Variants in SPIN1 observed in about 807,000 individuals in gnomAD.
SPIN1 encodes the protein spindlin 1, also known as spindlin-1.
SPIN1 carries 3 observed loss-of-function variants against 26.0 expected under a neutral mutation model. The observed-to-expected ratio is 0.12, with a 90% CI of 0.05 to 0.30. The LOEUF is 0.30. Ranked by LOEUF, SPIN1 falls within the 10% of genes least tolerant of loss-of-function variation. SPIN1 has a pLI of 1.00. For synonymous variants in SPIN1, 101 were observed against 116.5 expected, an observed-to-expected ratio of 0.87 and a Z score of 0.86; for missense variants, 126 against 333.4, an observed-to-expected ratio of 0.38 and a Z score of 4.84.
At position 88,475,339 on chromosome 9, in the gene SPIN1, G is replaced by A; in HGVS notation, c.*62G>A. On this transcript the variant is annotated 3_prime_UTR_variant, in exon 6 of 6. Transcript: ENST00000375859. ...GAAATGTATTATTTGTAGACATAAA[G>A]ACTTGATTGCTTTCCAGTTTAATGA... The A allele has an allele frequency of 1.3e-6, 2 of 1,526,352 alleles. No homozygotes were observed. The highest frequency in any genetic ancestry group is 1.8e-6 in the Non-Finnish European group (2 of 1,114,442). 94.6% of individuals were successfully genotyped at this position (1,526,352 alleles called of 1,614,324 possible).
intron 2 of SPIN1, among the ~76,000 whole-genome samples, chr9:88,444,731 C>T: frequency 6.9e-6 from 1 of 144,786 alleles, no homozygotes; most frequent in Non-Finnish European, 1.5e-5. Context: ...TGCTCTGTCG[C>T]CCAGGCTGGA....
intron 1 of SPIN1, among the ~76,000 whole-genome samples, chr9:88,398,856 C>T (rs983761538): frequency 2.6e-5 from 4 of 152,022 alleles, no homozygotes; most frequent in Non-Finnish European, 4.4e-5. Flanking sequence ...CGTGAGCCAC[C>T]GTGCCCGGCC....
At chr9:88,410,296 T>C (rs562135998) in intron 1 of SPIN1, among the ~76,000 whole-genome samples, 1 of 152,252 alleles carries the variant, frequency 6.6e-6, no homozygotes, top group East Asian at 1.9e-4. Context: ...AACCTTTTGT[T>C]GGAATGCTTT....
At chr9:88,458,009 GT>G in intron 3 of SPIN1, 1 of 983,252 alleles carries the variant, frequency 1.0e-6, no homozygotes, top group Non-Finnish European at 1.2e-6. Context: ...TTCTTGTTTG[GT>G]TTTAGTGTTG....
intron 2 of SPIN1, among the ~76,000 whole-genome samples, chr9:88,434,092 A>G (rs1332991307): frequency 6.6e-6 from 1 of 152,084 alleles, no homozygotes; most frequent in Non-Finnish European, 1.5e-5. Flanking sequence ...GGATTGGTTT[A>G]GAATTTCTAA....
intron 5 of SPIN1, among the ~76,000 whole-genome samples, chr9:88,471,797 T>G (rs1828793888): frequency 6.6e-6 from 1 of 151,980 alleles, no homozygotes; most frequent in Non-Finnish European, 1.5e-5. Context: ...TGCTTTGTGG[T>G]AAATTTTGAG....
In SPIN1 at chr9:88,477,786, A is replaced by G. The variant is rs775385286; in HGVS notation, c.*2509A>G. 1.2e-4 allele frequency: 19 copies of G among 152,534 alleles called. No individual in the cohort carries two copies. The highest frequency in any genetic ancestry group is 3.9e-4 in the Admixed American group (6 of 15,260). 9.4% of individuals were successfully genotyped at this position (152,534 alleles called of 1,614,324 possible). ...TTGTGACAATACAAGACATGAATCTATGTATAAAATTTATCGGCCTTTCTC... is the reference window on the plus strand; with the variant it reads ...TTGTGACAATACAAGACATGAATCTGTGTATAAAATTTATCGGCCTTTCTC... On this transcript the variant is annotated 3_prime_UTR_variant, in exon 6 of 6. Coordinates refer to ENST00000375859, the MANE Select transcript of SPIN1 (RefSeq NM_006717.3).
intron 4 of SPIN1, among the ~76,000 whole-genome samples, chr9:88,466,079 A>C (rs960463369): frequency 6.6e-5 from 10 of 152,154 alleles, no homozygotes; most frequent in African/African-American, 4.8e-5. Flanking sequence ...TTTGTTTTTC[A>C]TTTTCTGAAG....
intron 1 of SPIN1, among the ~76,000 whole-genome samples, chr9:88,393,783 T>C (rs1051893155): frequency 6.6e-6 from 1 of 151,926 alleles, no homozygotes; most frequent in Non-Finnish European, 1.5e-5. Flanking sequence ...GGGGTTTGAA[T>C]TACTTTTTTC....
chr9:88,413,053 TATTAAA>T (rs1346292029), intron 1 of SPIN1, among the ~76,000 whole-genome samples: 3 of 150,096 alleles, frequency 2.0e-5, no homozygotes, highest in Non-Finnish European at 2.9e-5. Flanking sequence ...TTTTTTAAGA[TATTAAA>T]ATTAAGTTTT....
intron 1 of SPIN1, among the ~76,000 whole-genome samples, chr9:88,410,161 T>TTGTGTGTGTGTG (rs140522640): frequency 6.9e-4 from 78 of 113,624 alleles, no homozygotes; most frequent in Middle Eastern, 8.4e-3. Context: ...TGCATATATT[T>TTGTGTGTGTGTG]AGTGTGTGTG....
intron 2 of SPIN1, among the ~76,000 whole-genome samples, chr9:88,430,336 C>T (rs1010669334): frequency 1.3e-5 from 2 of 152,178 alleles, no homozygotes; most frequent in African/African-American, 4.8e-5. Flanking sequence ...TGGAGGCTTC[C>T]AGATAGTATC....
chr9:88,471,044 A>G (rs757595073), intron 5 of SPIN1, among the ~76,000 whole-genome samples: 8 of 152,306 alleles, frequency 5.3e-5, no homozygotes, highest in Admixed American at 2.0e-4. Context: ...GTTTTCTCCT[A>G]TTCCATGGGC....
intron 1 of SPIN1, among the ~76,000 whole-genome samples, chr9:88,393,338 C>T (rs1276852836): frequency 2.0e-5 from 3 of 150,476 alleles, no homozygotes; most frequent in Non-Finnish European, 4.4e-5. Flanking sequence ...TATGCTTGGG[C>T]CTGTCTGCAA....
At chr9:88,411,167 C>A in intron 1 of SPIN1, 1 of 1,451,830 alleles carries the variant, frequency 6.9e-7, no homozygotes, top group South Asian at 1.1e-5. Flanking sequence ...TAAGTGGGCA[C>A]CTGGTCTTTA....
At chr9:88,416,602 CTT>C (rs1827570253) in intron 1 of SPIN1, 1 of 152,138 alleles carries the variant, frequency 6.6e-6, no homozygotes, top group African/African-American at 2.4e-5. Flanking sequence ...TTTCCCTAAA[CTT>C]TTTAAATGAA....
chr9:88,402,152 T>G (rs1408702419), intron 1 of SPIN1, among the ~76,000 whole-genome samples: 1 of 152,026 alleles, frequency 6.6e-6, no homozygotes, highest in Non-Finnish European at 1.5e-5. Flanking sequence ...GCCACCATGC[T>G]GGGCTAATTT....
intron 1 of SPIN1, among the ~76,000 whole-genome samples, chr9:88,389,219 G>C (rs1826864560): frequency 6.6e-6 from 1 of 152,324 alleles, no homozygotes; most frequent in African/African-American, 2.4e-5. Context: ...CGCCCTCCGT[G>C]GGGGCGCGGC....
chr9:88,416,946 G>T (rs1827578668), intron 1 of SPIN1, among the ~76,000 whole-genome samples: 1 of 152,190 alleles, frequency 6.6e-6, no homozygotes, highest in African/African-American at 2.4e-5. Context: ...TCTACACATA[G>T]AAGAGTTGAA....
Sources: gnomAD v4.1 joint callset for allele counts (sites outside exome capture counted in the v4.1 genomes callset) on GRCh38, gnomAD v4.1.1 for gene constraint, MANE v1.5 for transcripts, NCBI Gene and HGNC (gene_info 2026-07-23, HGNC 2026-07-21) for gene names.